Variants in PRSS23 observed in about 807,000 individuals in gnomAD.
PRSS23 encodes serine protease 23, also known as protease, serine 23.
In PRSS23, 25 loss-of-function variants were observed where a neutral mutation model predicts 34.7. That is an observed-to-expected ratio of 0.72 (90% CI 0.53 to 1.01). The LOEUF (loss-of-function observed/expected upper bound fraction) is 1.01. Among genes scored for constraint, PRSS23 ranks in the 50% least tolerant of loss-of-function variants. The probability of loss-of-function intolerance (pLI) is 0.00; values close to 1 mark genes in which losing one functional copy is unlikely to be tolerated. For missense variants in PRSS23, 445 were observed against 475.6 expected (o/e 0.94, Z 0.60); for synonymous variants, 176 against 186.6 (o/e 0.94, Z 0.46).
intron 2 of PRSS23, among the ~76,000 whole-genome samples, chr11:86,902,285 T>C (rs1185202320): frequency 6.6e-6 from 1 of 152,210 alleles, no homozygotes; most frequent in Non-Finnish European, 1.5e-5. Flanking sequence ...TTTCTACTGC[T>C]CTATTTAGAC....
chr11:86,883,228 A>G (rs924438131), intron 2 of PRSS23, among the ~76,000 whole-genome samples: 1 of 152,228 alleles, frequency 6.6e-6, no homozygotes, highest in Admixed American at 6.5e-5. Context: ...GCATCATGCT[A>G]CTCGACTTCA....
chr11:86,902,457 G>A (rs780249772), intron 2 of PRSS23, among the ~76,000 whole-genome samples: 1 of 151,936 alleles, frequency 6.6e-6, no homozygotes, highest in African/African-American at 2.4e-5. Context: ...CCCAAGCTTC[G>A]GCCACTTCAG....
chr11:86,864,859 T>G (rs1948640058), intron 2 of PRSS23, among the ~76,000 whole-genome samples: 1 of 152,214 alleles, frequency 6.6e-6, no homozygotes, highest in Non-Finnish European at 1.5e-5. Context: ...GCTAGCATCT[T>G]CCAGTCTCTC....
At chr11:86,824,383 A>ATAAAATAAATAAAAT (rs1200369120) in intron 2 of PRSS23, among the ~76,000 whole-genome samples, 4 of 143,738 alleles carry the variant, frequency 2.8e-5, no homozygotes, top group African/African-American at 1.0e-4. Flanking sequence ...ATAAAATAAA[A>ATAAAATAAATAAAAT]AAACAAAATG....
intron 2 of PRSS23, among the ~76,000 whole-genome samples, chr11:86,849,519 C>T (rs770031709): frequency 2.0e-5 from 3 of 152,126 alleles, no homozygotes; most frequent in Non-Finnish European, 4.4e-5. Flanking sequence ...CTAAAAGACC[C>T]CACCACTTTT....
intron 2 of PRSS23, among the ~76,000 whole-genome samples, chr11:86,888,954 ATT>A: frequency 6.6e-6 from 1 of 152,308 alleles, no homozygotes; most frequent in East Asian, 1.9e-4. Context: ...TTACTGTCTC[ATT>A]GTTTTTAATG....
chr11:86,877,754 G>T (rs888494394), intron 2 of PRSS23, among the ~76,000 whole-genome samples: 17 of 151,834 alleles, frequency 1.1e-4, no homozygotes, highest in African/African-American at 3.6e-4. Context: ...TTTGAAATCA[G>T]GAAGTGTGAA....
Position 86,808,217 on chromosome 11 carries a change from G to C in PRSS23, c.574G>C (p.Val192Leu). 6.2e-7 allele frequency: 1 copy of C among 1,614,158 alleles called. No individual in the cohort carries two copies. The highest frequency in any genetic ancestry group is 8.5e-7 in the Non-Finnish European group (1 of 1,180,042). The stretch of plus-strand genomic sequence containing the variant: ...TGTGAAAGGAACCCAGAAGCTTCGA[G>C]TGGGCTTCCTAAAGCCCAAGTTTAA... ...TYVKGTQKLR[V>L]GFLKPKFKDG... Residue 192 changes from valine to leucine, a missense_variant, in exon 2 of 2, where the codon GTG becomes CTG. By Grantham distance (32) the Val-to-Leu change is conservative. Transcript: ENST00000280258.
At chr11:86,800,443 G>C, upstream of PRSS23, 1 of 983,354 alleles carries the variant, frequency 1.0e-6, no homozygotes, top group Non-Finnish European at 1.2e-6. Flanking sequence ...GGCGGGCGGC[G>C]TCCGCGCGGC....
intron 2 of PRSS23, among the ~76,000 whole-genome samples, chr11:86,923,889 G>A (rs1949063097): frequency 6.6e-6 from 1 of 152,204 alleles, no homozygotes; most frequent in Non-Finnish European, 1.5e-5. Flanking sequence ...CAGAAAACAC[G>A]ATTCAAGAGT....
At chr11:86,826,631 G>C (rs1948303408) in intron 2 of PRSS23, among the ~76,000 whole-genome samples, 1 of 152,164 alleles carries the variant, frequency 6.6e-6, no homozygotes, top group Non-Finnish European at 1.5e-5. Context: ...CTGTGGGTTT[G>C]TCATAGATAG....
At chr11:86,870,968 C>T (rs1428936702) in intron 2 of PRSS23, among the ~76,000 whole-genome samples, 2 of 152,226 alleles carry the variant, frequency 1.3e-5, no homozygotes, top group African/African-American at 4.8e-5. Flanking sequence ...CTAACTCCTA[C>T]ATCCATGTCA....
chr11:86,950,395 G>A (rs1480442498), intron 2 of PRSS23: 1 of 152,500 alleles, frequency 6.6e-6, no homozygotes, highest in Non-Finnish European at 1.5e-5. Flanking sequence ...TACCTTTTTT[G>A]AGTCATTAAC....
downstream of PRSS23, chr11:86,811,294 G>T (rs1335180481): frequency 6.1e-6 from 1 of 164,072 alleles, no homozygotes. Context: ...ACATTCTGGG[G>T]ATCTCTGTAA....
At chr11:86,914,662 T>C (rs781314698) in intron 2 of PRSS23, among the ~76,000 whole-genome samples, 1 of 152,214 alleles carries the variant, frequency 6.6e-6, no homozygotes, top group Non-Finnish European at 1.5e-5. Flanking sequence ...GAAAAAAGGA[T>C]TATAATGTGG....
intron 2 of PRSS23, among the ~76,000 whole-genome samples, chr11:86,919,335 T>G (rs1949033089): frequency 6.6e-6 from 1 of 152,252 alleles, no homozygotes; most frequent in Admixed American, 6.5e-5. Flanking sequence ...ATTCGGGTAT[T>G]CAAGCCTGCC....
At chr11:86,799,566 T>C (rs1036980477), upstream of PRSS23, among the ~76,000 whole-genome samples, 4 of 152,194 alleles carry the variant, frequency 2.6e-5, no homozygotes, top group Admixed American at 2.6e-4. Flanking sequence ...ATGGCCTATA[T>C]GTAAAGCTCT....
Position 86,808,119 on chromosome 11 carries a change from G to C in PRSS23, c.476G>C (p.Gly159Ala). Residue 159 changes from glycine (G) to alanine (A), a missense_variant, in exon 2 of 2, where the codon GGC becomes GCC. By Grantham distance (60) the Gly-to-Ala change is moderately conservative. Coordinates refer to ENST00000280258, the MANE Select transcript of PRSS23 (RefSeq NM_007173.6). ...TCAACATCAGTGAAGTTATCCACGG[G>C]CTGCACCGGCACCCTGGTGGCAGAG... The part of the protein sequence containing the change: ...PFSTSVKLST[G>A]CTGTLVAEKH... 1.2e-6 allele frequency: 2 copies of C among 1,614,180 alleles called. No homozygotes were observed. The highest frequency in any genetic ancestry group is 1.7e-6 in the Non-Finnish European group (2 of 1,180,022).
chr11:86,943,461 C>A (rs1203928743), intron 2 of PRSS23, among the ~76,000 whole-genome samples: 3 of 151,814 alleles, frequency 2.0e-5, no homozygotes, highest in Non-Finnish European at 4.4e-5. Context: ...CCCATCTCCA[C>A]AAACATACAA....
Sources: gnomAD v4.1 joint callset for allele counts (sites outside exome capture counted in the v4.1 genomes callset) on GRCh38, gnomAD v4.1.1 for gene constraint, MANE v1.5 for transcripts, NCBI Gene and HGNC (gene_info 2026-07-23, HGNC 2026-07-21) for gene names.